The following BIRC6 variants were observed in gnomAD, a reference collection of about 807,000 sequenced individuals.
BIRC6 encodes the protein baculoviral IAP repeat containing 6.
In BIRC6, 98 loss-of-function variants were observed where a neutral mutation model predicts 503.3. That is an observed-to-expected ratio of 0.19 (90% CI 0.17 to 0.23). The LOEUF (loss-of-function observed/expected upper bound fraction) is 0.23. BIRC6 is among the 10% of genes least tolerant of loss of function. The pLI, the probability that BIRC6 is intolerant of heterozygous loss-of-function variation, is 1.00. For missense variants in BIRC6, 5,360 were observed against 5,806.0 expected (o/e 0.92, Z 2.50); for synonymous variants, 2,240 against 2,078.7 (o/e 1.08, Z -2.11).
At chr2:32,488,834 C>A in intron 42 of BIRC6, 120 bp downstream of exon 42, 2 of 694,296 alleles carry the variant, frequency 2.9e-6, no homozygotes, top group Non-Finnish European at 4.4e-6. Flanking sequence ...GGGGAAAAAA[C>A]AGAATACCTT....
chr2:32,585,711 T>A (rs1475816589), intron 66 of BIRC6, among the ~76,000 whole-genome samples: 1 of 152,180 alleles, frequency 6.6e-6, no homozygotes, highest in South Asian at 2.1e-4. Context: ...CCAGCCTCTG[T>A]GCTTTCATTT....
intron 71 of BIRC6, among the ~76,000 whole-genome samples, chr2:32,606,041 C>T (rs1420998328): frequency 1.3e-5 from 2 of 152,132 alleles, no homozygotes; most frequent in Non-Finnish European, 2.9e-5. Context: ...GATGCATATC[C>T]ATGGGACTGT....
rs1349533006 is a variant in BIRC6 at position 32,509,566 on chromosome 2, TA to T, written c.9981-171del. 7.5e-5 allele frequency: 55 copies of T among 732,258 alleles called. No individual in the cohort carries two copies. In the African/African-American group the frequency reaches 8.6e-4, roughly 11 times the overall value. The allele number at this position is 732,258 out of a possible 1,614,324, so 45.4% of individuals were successfully genotyped here. ...CCGTGCCTGGCCATGATTTATCTTA[TA>T]GGGGAAACTTACTGTCTGTTTACTT... On this transcript the variant is annotated intron_variant, in intron 51 of 73. Transcript: ENST00000421745.
chr2:32,511,002 G>T (rs2054333527), intron 53 of BIRC6, among the ~76,000 whole-genome samples: 1 of 151,990 alleles, frequency 6.6e-6, no homozygotes, highest in African/African-American at 2.4e-5. Flanking sequence ...ATGAATGTAG[G>T]GATATTGTGT....
chr2:32,415,804 C>G lies in BIRC6; in HGVS notation c.2513C>G (p.Thr838Ser). The G allele has an allele frequency of 5.0e-6, 8 of 1,613,756 alleles. No individual in the cohort carries two copies. Among genetic ancestry groups the G allele is most frequent in the Non-Finnish European group, 5.9e-6 (7 of 1,179,860 alleles). The change falls in exon 10 of 74, where the codon ACT (threonine) becomes AGT (serine). Residue 838 changes from threonine to serine, a missense_variant. Around this residue, in one of 16 missense-constraint regions of BIRC6, gnomAD observed 700 missense variants for 739.3 expected, o/e 0.95. Transcript: ENST00000421745. ...YKMNYATRIVTLEEEPIKIQH... is the reference protein window; with the variant it reads ...YKMNYATRIVSLEEEPIKIQH... Reference sequence around the variant, plus strand: ...ATGAATTATGCCACTCGGATAGTGACTTTAGAAGAGGAGCCAATAAAAATA... The same window carrying G: ...ATGAATTATGCCACTCGGATAGTGAGTTTAGAAGAGGAGCCAATAAAAATA...
chr2:32,549,562 TGAA>T (rs753562909), intron 65 of BIRC6, 81 bp downstream of exon 65: 12 of 1,173,856 alleles, frequency 1.0e-5, no homozygotes, highest in Non-Finnish European at 1.3e-5. Context: ...AAGTTTCAGT[TGAA>T]ATAGTTGATG....
chr2:32,495,050 G>T (rs557804792), intron 45 of BIRC6, among the ~76,000 whole-genome samples: 2 of 152,296 alleles, frequency 1.3e-5, no homozygotes, highest in East Asian at 1.9e-4. Context: ...TTAAAATCCC[G>T]TGAGGAATAA....
intron 66 of BIRC6, chr2:32,591,081 C>A: frequency 1.6e-6 from 1 of 638,980 alleles, no homozygotes; most frequent in Non-Finnish European, 1.9e-6. Flanking sequence ...CAGACAATGA[C>A]TAGTTAGAAT....
intron 53 of BIRC6, among the ~76,000 whole-genome samples, chr2:32,510,943 G>T (rs1248964494): frequency 6.6e-6 from 1 of 152,156 alleles, no homozygotes; most frequent in Non-Finnish European, 1.5e-5. Flanking sequence ...ACCTTGTAAA[G>T]TGATGGTATC....
At chr2:32,507,395 A>G (rs981184131) in intron 50 of BIRC6, among the ~76,000 whole-genome samples, 3 of 152,120 alleles carry the variant, frequency 2.0e-5, no homozygotes, top group African/African-American at 7.2e-5. Flanking sequence ...GTGCCACTGC[A>G]CTCACTCCAG....
chr2:32,582,656 C>T (rs905462054), intron 66 of BIRC6, among the ~76,000 whole-genome samples: 7 of 151,820 alleles, frequency 4.6e-5, no homozygotes, highest in Admixed American at 3.3e-4. Flanking sequence ...TCCCAGCTAC[C>T]GAGGCAGGAG....
chr2:32,390,403 C>T (rs920265413), intron 4 of BIRC6, among the ~76,000 whole-genome samples: 2 of 152,120 alleles, frequency 1.3e-5, no homozygotes. Flanking sequence ...AGCTCCTGAC[C>T]TTATGATCCA....
chr2:32,413,266 C>T (rs1002002502), intron 9 of BIRC6, among the ~76,000 whole-genome samples: 4 of 151,490 alleles, frequency 2.6e-5, no homozygotes, highest in East Asian at 1.9e-4. Context: ...CCACAACCTC[C>T]GCCTTCTGGC....
intron 5 of BIRC6, among the ~76,000 whole-genome samples, chr2:32,394,508 T>G (rs1478424090): frequency 2.6e-5 from 4 of 152,154 alleles, no homozygotes; most frequent in Non-Finnish European, 5.9e-5. Flanking sequence ...CTTGCCCTTC[T>G]TGTTCAGTTG....
chr2:32,573,914 T>C (rs1280082645), intron 65 of BIRC6, among the ~76,000 whole-genome samples: 2 of 152,194 alleles, frequency 1.3e-5, no homozygotes, highest in Non-Finnish European at 2.9e-5. Flanking sequence ...TTATCTGGTG[T>C]ATTTAATCAT....
At position 32,441,490 on chromosome 2, in the gene BIRC6, C is replaced by A. The variant is rs183739156; in HGVS notation, c.3944+28C>A. The A allele has an allele frequency of 3.7e-3, 5,866 of 1,583,368 alleles. 29 individuals carry two copies. The highest frequency in any genetic ancestry group is 4.0e-3 in the Non-Finnish European group (4,633 of 1,158,254). On this transcript the variant is annotated intron_variant, in intron 17 of 73. Transcript: ENST00000421745. ...AATTTCATTGCATTATCTTGTTATT[C>A]TTACAGTAATGAAAGTGCAGAGCAT...
chr2:32,487,888 C>T, intron 41 of BIRC6, 87 bp downstream of exon 41: 1 of 1,110,336 alleles, frequency 9.0e-7, no homozygotes, highest in Non-Finnish European at 1.3e-6. Context: ...CATTCTAATC[C>T]TGTCAGGGAT....
intron 3 of BIRC6, among the ~76,000 whole-genome samples, chr2:32,385,253 T>G (rs2038271698): frequency 6.6e-6 from 1 of 152,112 alleles, no homozygotes; most frequent in African/African-American, 2.4e-5. Flanking sequence ...TCATAAGGAG[T>G]TCCCCATGAA....
chr2:32,421,253 C>T (rs1382602781), intron 10 of BIRC6, among the ~76,000 whole-genome samples: 1 of 151,540 alleles, frequency 6.6e-6, no homozygotes, highest in Non-Finnish European at 1.5e-5. Context: ...ACTACAGGCC[C>T]GAGCCACCAC....
Sources: allele counts gnomAD v4.1 joint callset (sites outside exome capture counted in the v4.1 genomes callset), GRCh38; gene constraint gnomAD v4.1.1; regional missense constraint gnomAD v4.1.1; transcripts MANE v1.5; gene names NCBI Gene and HGNC (gene_info 2026-07-23, HGNC 2026-07-21).